The following CASR variants were observed in gnomAD, a reference collection of about 807,000 sequenced individuals.
CASR encodes the protein extracellular calcium-sensing receptor.
Under a neutral mutation model 69.1 loss-of-function variants are expected in CASR, and 23 were observed. The observed-to-expected ratio is 0.33, with a 90% CI of 0.24 to 0.47. The LOEUF (loss-of-function observed/expected upper bound fraction) is 0.47. Ranked by LOEUF, CASR falls within the 20% of genes least tolerant of loss-of-function variation. The probability of loss-of-function intolerance (pLI) is 1.00; values close to 1 mark genes in which losing one functional copy is unlikely to be tolerated. For synonymous variants in CASR, 541 were observed against 544.7 expected (o/e 0.99, Z 0.10); for missense variants, 924 against 1,356.1 (o/e 0.68, Z 5.00).
At chr3:122,256,967 T>C in intron 2 of CASR, 114 bp from the exon 3 acceptor site, 2 of 884,614 alleles carry the variant, frequency 2.3e-6, no homozygotes, top group Admixed American at 3.9e-5. Flanking sequence ...GAGCATGCCA[T>C]GAAGCCAGAG....
intron 1 of CASR, among the ~76,000 whole-genome samples, chr3:122,232,982 A>C (rs545244206): frequency 6.6e-6 from 1 of 152,340 alleles, no homozygotes; most frequent in Admixed American, 6.5e-5. Flanking sequence ...GAACACAGAC[A>C]AAAAACGTTA....
chr3:122,190,270 C>T (rs116374018), intron 1 of CASR, among the ~76,000 whole-genome samples: 1,898 of 152,204 alleles, frequency 0.012, 39 homozygotes, highest in African/African-American at 0.042. Context: ...TTAAGAGATT[C>T]GGGGAAAGGT....
intron 1 of CASR, among the ~76,000 whole-genome samples, chr3:122,209,505 T>G (rs1452564986): frequency 6.6e-6 from 1 of 152,182 alleles, no homozygotes; most frequent in East Asian, 1.9e-4. Context: ...ATGTGGATGG[T>G]GTCAGACAAA....
chr3:122,213,873 G>A (rs1050733826), intron 1 of CASR, among the ~76,000 whole-genome samples: 1 of 152,182 alleles, frequency 6.6e-6, no homozygotes, highest in Non-Finnish European at 1.5e-5. Flanking sequence ...GTTGCTGAGA[G>A]GGACAGCCCT....
In CASR at chr3:122,288,636, T is replaced by C. The variant is rs1559971978; in HGVS notation, c.*3445T>C. On this transcript the variant is annotated 3_prime_UTR_variant, in exon 7 of 7. Coordinates refer to ENST00000639785, the MANE Select transcript of CASR (RefSeq NM_000388.4). ...TAAACCTCATATTCTAAGTCTTTGC[T>C]GGCTTTGGTTATAGAAAATACACAG... 6.6e-6 allele frequency: 1 copy of C among 152,080 alleles called. No individual in the cohort carries two copies. The highest frequency in any genetic ancestry group is 1.5e-5 in the Non-Finnish European group (1 of 68,030). 9.4% of individuals were successfully genotyped at this position (152,080 alleles called of 1,614,324 possible).
chr3:122,225,191 T>G (rs537749018), intron 1 of CASR, among the ~76,000 whole-genome samples: 1 of 151,918 alleles, frequency 6.6e-6, no homozygotes, highest in Middle Eastern at 3.4e-3. Flanking sequence ...CAAAAGCAAT[T>G]GCAACAAAAA....
chr3:122,245,420 G>A (rs2074418067), intron 1 of CASR: 1 of 152,156 alleles, frequency 6.6e-6, no homozygotes, highest in Admixed American at 6.5e-5. Context: ...TTCCATCAAT[G>A]AGATCTAATC....
At chr3:122,203,766 T>G (rs2073979898) in intron 1 of CASR, among the ~76,000 whole-genome samples, 1 of 152,202 alleles carries the variant, frequency 6.6e-6, no homozygotes, top group South Asian at 2.1e-4. Context: ...GTAATTGTAC[T>G]ATGATGTTGG....
chr3:122,203,864 A>G (rs1028710945), intron 1 of CASR, among the ~76,000 whole-genome samples: 19 of 152,226 alleles, frequency 1.2e-4, no homozygotes, highest in African/African-American at 4.3e-4. Context: ...TTTGTAGTGT[A>G]TGACTATATT....
intron 1 of CASR, among the ~76,000 whole-genome samples, chr3:122,192,419 T>A (rs1353742752): frequency 6.6e-6 from 1 of 152,228 alleles, no homozygotes; most frequent in Non-Finnish European, 1.5e-5. Context: ...AGGTTTTATG[T>A]AACTTAAATA....
chr3:122,216,183 T>C (rs1357109799), intron 1 of CASR, among the ~76,000 whole-genome samples: 1 of 152,236 alleles, frequency 6.6e-6, no homozygotes, highest in Admixed American at 6.5e-5. Flanking sequence ...GACAGTCAGT[T>C]CACAGACAGC....
At chr3:122,212,792 C>T (rs2074081858) in intron 1 of CASR, among the ~76,000 whole-genome samples, 1 of 152,060 alleles carries the variant, frequency 6.6e-6, no homozygotes, top group South Asian at 2.1e-4. Flanking sequence ...CAGGCATGTG[C>T]CACCATGCGT....
intron 5 of CASR, among the ~76,000 whole-genome samples, chr3:122,280,162 C>T (rs898898627): frequency 4.6e-5 from 7 of 152,144 alleles, no homozygotes; most frequent in African/African-American, 7.2e-5. Flanking sequence ...ATTCAACATC[C>T]CTTCATGTTA....
intron 1 of CASR, among the ~76,000 whole-genome samples, chr3:122,202,523 A>G (rs898218347): frequency 6.6e-6 from 1 of 151,776 alleles, no homozygotes; most frequent in African/African-American, 2.4e-5. Flanking sequence ...TTGTTTTTCA[A>G]GTGGGAGGTT....
chr3:122,246,050 T>G (rs2107617839), intron 1 of CASR, among the ~76,000 whole-genome samples: 1 of 152,316 alleles, frequency 6.6e-6, no homozygotes, highest in Admixed American at 6.5e-5. Context: ...CCAGCTCCTG[T>G]TCATGATAAC....
intron 1 of CASR, among the ~76,000 whole-genome samples, chr3:122,226,185 G>A (rs998064111): frequency 3.3e-5 from 5 of 152,308 alleles, no homozygotes; most frequent in South Asian, 2.1e-4. Flanking sequence ...TAAAGCCGGC[G>A]TGTCTGGAGT....
At chr3:122,252,377 A>AGGAG in intron 1 of CASR, among the ~76,000 whole-genome samples, 1 of 47,468 alleles carries the variant, frequency 2.1e-5, no homozygotes, top group Non-Finnish European at 4.5e-5. Flanking sequence ...GAAGGAAGGA[A>AGGAG]GGAAGGAAGG....
intron 1 of CASR, among the ~76,000 whole-genome samples, chr3:122,185,146 A>G (rs1022526470): frequency 1.1e-4 from 17 of 152,242 alleles, no homozygotes; most frequent in Non-Finnish European, 1.3e-4. Context: ...ATAGCTTTCA[A>G]TAGATAACAT....
At position 122,193,189 on chromosome 3, in the gene CASR, G is replaced by GT. The variant is rs369176659; in HGVS notation, c.-243+9387dup. 1.9e-3 allele frequency among the ~76,000 whole-genome samples: 238 copies of GT among 126,134 alleles called. 1 individual carries two copies. The highest frequency in any genetic ancestry group is 4.0e-3 in the Middle Eastern group (1 of 248). The allele number at this position is 126,134 out of a possible 152,430, so 82.7% of individuals were successfully genotyped here. The stretch of plus-strand genomic sequence containing the variant: ...TCATTCTCCTATTCTTTCATTTCTG[G>GT]TTTTTTTTTTGTTTGTGTTTGTTTG... On this transcript the variant is annotated intron_variant, in intron 1 of 6. Transcript: ENST00000639785.
Sources: allele counts gnomAD v4.1 joint callset (sites outside exome capture counted in the v4.1 genomes callset), GRCh38; gene constraint gnomAD v4.1.1; transcripts MANE v1.5; gene names NCBI Gene and HGNC (gene_info 2026-07-23, HGNC 2026-07-21).